The following BACE2 variants were observed in gnomAD, a reference collection of about 807,000 sequenced individuals.
BACE2 encodes the protein beta-secretase 2, also known as 56 kDa aspartic-like protease.
In BACE2, 17 loss-of-function variants were observed where a neutral mutation model predicts 46.2. The ratio of observed to expected loss-of-function variants is 0.37; its 90% CI spans 0.25 to 0.55. The LOEUF (loss-of-function observed/expected upper bound fraction) is 0.55, where lower values mean the gene tolerates loss of function less well. Among genes scored for constraint, BACE2 ranks in the 20% least tolerant of loss-of-function variants. BACE2 has a pLI of 0.82. For synonymous variants in BACE2, 277 were observed against 295.9 expected (o/e 0.94, Z 0.66); for missense variants, 595 against 698.1 (o/e 0.85, Z 1.66).
chr21:41,271,869 A>C (rs955648367), intron 8 of BACE2, among the ~76,000 whole-genome samples: 2 of 152,166 alleles, frequency 1.3e-5, no homozygotes, highest in African/African-American at 4.8e-5. Flanking sequence ...CTTTGTAAAT[A>C]TTTAAAATTA....
At chr21:41,200,534 C>G (rs974460613) in intron 1 of BACE2, among the ~76,000 whole-genome samples, 1 of 152,194 alleles carries the variant, frequency 6.6e-6, no homozygotes, top group Non-Finnish European at 1.5e-5. Flanking sequence ...CTTCCCTGCA[C>G]TGTGCTAGCC....
chr21:41,221,827 C>CAAAAAAAAAAAAA (rs58502168), intron 1 of BACE2, among the ~76,000 whole-genome samples: 1 of 98,746 alleles, frequency 1.0e-5, no homozygotes, highest in African/African-American at 3.1e-5. Context: ...GACTCTGTCT[C>CAAAAAAAAAAAAA]AAAAAAAAAA....
chr21:41,232,510 G>A (rs993309481), intron 2 of BACE2, among the ~76,000 whole-genome samples: 1 of 152,206 alleles, frequency 6.6e-6, no homozygotes, highest in Non-Finnish European at 1.5e-5. Flanking sequence ...TGGACCTGGG[G>A]CCTCAGTGGA....
At chr21:41,205,711 C>T (rs897922587) in intron 1 of BACE2, among the ~76,000 whole-genome samples, 1 of 152,128 alleles carries the variant, frequency 6.6e-6, no homozygotes, top group African/African-American at 2.4e-5. Flanking sequence ...GAAAACCTCA[C>T]ATGAATTGTC....
chr21:41,208,802 C>G (rs1270879927), intron 1 of BACE2, among the ~76,000 whole-genome samples: 2 of 152,108 alleles, frequency 1.3e-5, no homozygotes, highest in African/African-American at 4.8e-5. Flanking sequence ...CAGTTGCACA[C>G]CAAGGTGGCT....
At chr21:41,219,457 C>G (rs1056047068) in intron 1 of BACE2, among the ~76,000 whole-genome samples, 12 of 152,256 alleles carry the variant, frequency 7.9e-5, no homozygotes, top group African/African-American at 2.9e-4. Flanking sequence ...AAATTCATCT[C>G]TTAAAATAAT....
intron 3 of BACE2, among the ~76,000 whole-genome samples, chr21:41,238,803 T>G (rs1244956357): frequency 5.5e-5 from 3 of 54,686 alleles, no homozygotes; most frequent in Non-Finnish European, 9.6e-5. Flanking sequence ...GGGACTGTGG[T>G]GGGGTGGGGG....
rs749800434 is a variant in BACE2 at position 41,275,569 on chromosome 21, G to A, written c.1502G>A (p.Arg501His). The A allele has an allele frequency of 1.4e-5, 22 of 1,613,902 alleles. No individual in the cohort carries two copies. Among genetic ancestry groups the A allele is most frequent in the Admixed American group, 5.0e-5 (3 of 59,996 alleles). ...LLPFRCQRRP[R>H]DPEVVNDESS... ...CCGTTCCGGTGTCAGCGTCGCCCCCGTGACCCTGAGGTCGTCAATGATGAG... is the reference window on the plus strand; with the variant it reads ...CCGTTCCGGTGTCAGCGTCGCCCCCATGACCCTGAGGTCGTCAATGATGAG... Residue 501 changes from arginine (R) to histidine (H), a missense_variant, in exon 9 of 9, where the codon CGT becomes CAT. Coordinates refer to ENST00000330333, the MANE Select transcript of BACE2 (RefSeq NM_012105.5).
At chr21:41,250,552 A>G (rs960230) in intron 6 of BACE2, among the ~76,000 whole-genome samples, 200 bp from the exon 7 acceptor site, 129,879 of 152,210 alleles carry the variant, frequency 0.85, 55,956 homozygotes, top group East Asian at 1. Flanking sequence ...TAGGTACTTC[A>G]TGTGTCTTGA....
intron 1 of BACE2, among the ~76,000 whole-genome samples, chr21:41,172,115 C>G (rs1401856092): frequency 6.6e-6 from 1 of 152,190 alleles, no homozygotes; most frequent in Non-Finnish European, 1.5e-5. Flanking sequence ...AAATGGTAAA[C>G]TATTAAAGAC....
At chr21:41,203,378 A>T (rs1489123971) in intron 1 of BACE2, among the ~76,000 whole-genome samples, 13 of 151,988 alleles carry the variant, frequency 8.6e-5, no homozygotes. Context: ...CAGAAGGAAG[A>T]GCCAGTACGA....
At chr21:41,266,949 TG>T in intron 8 of BACE2, among the ~76,000 whole-genome samples, 2 of 1,304 alleles carry the variant, frequency 1.5e-3, no homozygotes, top group African/African-American at 9.1e-3. Context: ...ACAGTGTTTG[TG>T]TGTGTGTGTG....
chr21:41,222,142 G>A (rs115748729), intron 1 of BACE2, among the ~76,000 whole-genome samples: 2,717 of 152,310 alleles, frequency 0.018, 82 homozygotes, highest in African/African-American at 0.062. Flanking sequence ...CATCTGTGAC[G>A]TGGAGTGAGG....
chr21:41,217,602 T>C (rs1986511501), intron 1 of BACE2, among the ~76,000 whole-genome samples: 1 of 152,152 alleles, frequency 6.6e-6, no homozygotes, highest in Non-Finnish European at 1.5e-5. Flanking sequence ...TGGTTGAGCC[T>C]CGGTGCTTTC....
At chr21:41,226,938 G>A (rs762142145) in intron 2 of BACE2, among the ~76,000 whole-genome samples, 8 of 152,204 alleles carry the variant, frequency 5.3e-5, no homozygotes, top group Non-Finnish European at 1.0e-4. Flanking sequence ...CAATTATGGG[G>A]TGGAGTTGAG....
In BACE2 at chr21:41,257,319, C is replaced by A. The variant is rs1414964840; in HGVS notation, c.1296C>A (p.Pro432=). The change falls in exon 8 of 9, where the codon CCC becomes CCA. Residue 432 remains proline (P), a synonymous_variant. Coordinates refer to ENST00000330333, the MANE Select transcript of BACE2 (RefSeq NM_012105.5). ...AQKRVGFAAS[P]CAEIAGAAVS... Reference sequence around the variant, plus strand: ...AGAGGGTGGGCTTCGCAGCGAGCCCCTGTGCAGGTGAGCGATTCTGGCATC... The same window carrying A: ...AGAGGGTGGGCTTCGCAGCGAGCCCATGTGCAGGTGAGCGATTCTGGCATC... The A allele has an allele frequency of 1.9e-6, 3 of 1,613,514 alleles. No individual in the cohort carries two copies. Among genetic ancestry groups the A allele is most frequent in the Non-Finnish European group, 2.5e-6 (3 of 1,179,964 alleles).
At position 41,277,304 on chromosome 21, in the gene BACE2, C is replaced by G. The variant is rs2088501419; in HGVS notation, c.*1680C>G. ...TTGTCATGGTGTCCTGGAAGACTCT[C>G]CAGCAGCCAGAAGAACCTTCTGTGC... is the stretch of plus-strand genomic sequence containing the variant. On this transcript the variant is annotated 3_prime_UTR_variant, in exon 9 of 9. Transcript: ENST00000330333. The G allele has an allele frequency of 1.3e-5, 2 of 152,228 alleles. No homozygotes were observed. The highest frequency in any genetic ancestry group is 6.5e-5 in the Admixed American group (1 of 15,284). The allele number at this position is 152,228 out of a possible 1,614,324, so 9.4% of individuals were successfully genotyped here. A position where few individuals can be genotyped will look rare whatever the true frequency, so the allele number is the denominator to read the frequency against.
rs1987167875 is a variant in BACE2 at position 41,237,720 on chromosome 21, A to G, written c.609A>G (p.Thr203=). The G allele has an allele frequency of 6.2e-7, 1 of 1,613,154 alleles. No individual in the cohort carries two copies. Among genetic ancestry groups the G allele is most frequent in the East Asian group, 2.2e-5 (1 of 44,886 alleles). ...WNGILGLAYA[T]LAKPSSSLET... ...GAATACTTGGCCTAGCTTATGCCAC[A>G]CTTGCCAAGGTAAGGCTAATCCATG... Residue 203 remains threonine, a synonymous_variant, in exon 3 of 9, where the codon ACA becomes ACG. Transcript: ENST00000330333.
intron 1 of BACE2, among the ~76,000 whole-genome samples, chr21:41,171,220 C>T (rs1601234399): frequency 6.6e-6 from 1 of 152,370 alleles, no homozygotes; most frequent in East Asian, 1.9e-4. Flanking sequence ...GTTCCCCCAT[C>T]TCCTCTTTCC....
Sources: gnomAD v4.1 joint callset for allele counts (sites outside exome capture counted in the v4.1 genomes callset) on GRCh38, gnomAD v4.1.1 for gene constraint, MANE v1.5 for transcripts, NCBI Gene and HGNC (gene_info 2026-07-23, HGNC 2026-07-21) for gene names.